TUSC2: variants seen among roughly 807,000 people sequenced by gnomAD.
TUSC2 encodes tumor suppressor candidate 2.
In TUSC2, 7 loss-of-function variants were observed where a neutral mutation model predicts 11.5. The ratio of observed to expected loss-of-function variants is 0.61; its 90% CI spans 0.35 to 1.14. The LOEUF (loss-of-function observed/expected upper bound fraction) is 1.14. Ranked by LOEUF, TUSC2 falls within the 50% of genes most tolerant of loss-of-function variation. The probability of loss-of-function intolerance (pLI) is 0.03; values close to 1 mark genes in which losing one functional copy is unlikely to be tolerated. For synonymous variants in TUSC2, 61 were observed against 64.1 expected, an observed-to-expected ratio of 0.95 and a Z score of 0.23; for missense variants, 132 against 155.0, an observed-to-expected ratio of 0.85 and a Z score of 0.79.
At position 50,328,157 on chromosome 3, in the gene TUSC2, C is replaced by T; in HGVS notation, c.-58G>A. 7.5e-7 allele frequency: 1 copy of T among 1,337,526 alleles called. No homozygotes were observed. Among genetic ancestry groups the T allele is most frequent in the Non-Finnish European group, 9.6e-7 (1 of 1,045,762 alleles). 82.9% of individuals were successfully genotyped at this position (1,337,526 alleles called of 1,614,324 possible). ...GCCGCTCTGCTCACACCGCAGTCCGCACTACCATAACCTGCCCCAGCCGCT... is the reference window on the plus strand; with the variant it reads ...GCCGCTCTGCTCACACCGCAGTCCGTACTACCATAACCTGCCCCAGCCGCT... On this transcript the variant is annotated 5_prime_UTR_variant, in exon 1 of 3. Transcript: ENST00000232496.
rs1206804786 is a variant in TUSC2, at chr3:50,325,503, C to T, written c.*618G>A. On this transcript the variant is annotated 3_prime_UTR_variant, in exon 3 of 3. Transcript: ENST00000232496. The surrounding 1 kb of genome is among the most constrained non-coding windows in gnomAD (Gnocchi z 5.1). ...CCCTGGGTAGAGGGAGAAGCCCCCA[C>T]CCAGTCCCCACTCCTATCAATAGCC... The T allele has an allele frequency of 6.5e-6, 1 of 153,338 alleles. No individual in the cohort carries two copies. The highest frequency in any genetic ancestry group is 1.5e-5 in the Non-Finnish European group (1 of 68,558). 9.5% of individuals were successfully genotyped at this position (153,338 alleles called of 1,614,324 possible). A position where few individuals can be genotyped will look rare whatever the true frequency, so the allele number is the denominator to read the frequency against.
intron 2 of TUSC2, 51 bp downstream of exon 2, chr3:50,326,306 C>T (rs1553717385): frequency 6.2e-7 from 1 of 1,613,348 alleles, no homozygotes; most frequent in Admixed American, 1.7e-5. Context: ...CCATCTGGGT[C>T]CACCTCCACA....
rs752582642 is a variant in TUSC2, at chr3:50,326,039, TC to T, written c.*81del. The T allele has an allele frequency of 1.3e-6, 2 of 1,510,278 alleles. No individual in the cohort carries two copies. The highest frequency in any genetic ancestry group is 1.8e-6 in the Non-Finnish European group (2 of 1,110,518). 93.6% of individuals were successfully genotyped at this position (1,510,278 alleles called of 1,614,324 possible). A position where few individuals can be genotyped will look rare whatever the true frequency, so the allele number is the denominator to read the frequency against. ...TCAGGGTTGTGGCCCCAGCCTGGGC[TC>T]CTCAATGGAAGCCACACCTTGATTG... On this transcript the variant is annotated 3_prime_UTR_variant, in exon 3 of 3. Coordinates refer to ENST00000232496, the MANE Select transcript of TUSC2 (RefSeq NM_007275.3).
chr3:50,327,681 G>A (rs181225361), intron 1 of TUSC2, among the ~76,000 whole-genome samples: 112 of 145,074 alleles, frequency 7.7e-4, no homozygotes, highest in African/African-American at 3.0e-3. Context: ...ATCTTATGGA[G>A]GTCTTATGGA....
chr3:50,326,210 A>C (rs782268228), intron 2 of TUSC2, 24 bp from the exon 3 acceptor site: 1 of 1,605,924 alleles, frequency 6.2e-7, no homozygotes, highest in Non-Finnish European at 8.5e-7. Flanking sequence ...AGAGGCTAGT[A>C]AGGGTCAGCT....
rs1553717401 is a variant in TUSC2, at chr3:50,326,360, A to G, written c.264T>C (p.Pro88=). Residue 88 remains proline (P), a synonymous_variant, in exon 2 of 3, where the codon CCT becomes CCC. Transcript: ENST00000232496. ...TGACCGCTGCCCAGCCCCTCACCTGAGGAATCAGATTCTTATGCACTCGCC... is the reference window on the plus strand; with the variant it reads ...TGACCGCTGCCCAGCCCCTCACCTGGGGAATCAGATTCTTATGCACTCGCC... The part of the protein sequence containing the change: ...KLRRVHKNLI[P]QGIVKLDHPR... 1 of 1,613,484 alleles carries G rather than the reference A, an allele frequency of 6.2e-7. No individual in the cohort carries two copies. The highest frequency in any genetic ancestry group is 1.7e-5 in the Admixed American group (1 of 59,938).
rs1391119175 is a variant in TUSC2, at chr3:50,326,444, A to C, written c.180T>G (p.Ala60=). Residue 60 remains alanine, a synonymous_variant, in exon 2 of 3, where the codon GCT becomes GCG. Transcript: ENST00000232496. ...SMFYDEDGDL[A]HEFYEETIVT... is the part of the protein sequence containing the mutation. Reference sequence around the variant, plus strand: ...CGATTGTCTCCTCATAGAACTCGTGAGCCAGATCCCCATCCTCATCATAGA... The same window carrying C: ...CGATTGTCTCCTCATAGAACTCGTGCGCCAGATCCCCATCCTCATCATAGA... 4 of 1,613,800 alleles carry C rather than the reference A, an allele frequency of 2.5e-6. No individual in the cohort carries two copies. The East Asian group carries it at 6.7e-5, about 27-fold the overall frequency.
intron 2 of TUSC2, 72 bp downstream of exon 2, chr3:50,326,285 G>A (rs1387709531): frequency 1.9e-6 from 3 of 1,612,324 alleles, no homozygotes; most frequent in Non-Finnish European, 2.5e-6. Flanking sequence ...CCCCCACCAT[G>A]ACAACAGATC....
rs1364114600 is a variant in TUSC2 at position 50,326,391 on chromosome 3, T to C, written c.233A>G (p.Lys78Arg). Reference sequence around the variant, plus strand: ...CAGATTCTTATGCACTCGCCTCAGCTTGGCCCGCTTCTGCCCGTTCTTGGT... The same window carrying C: ...CAGATTCTTATGCACTCGCCTCAGCCTGGCCCGCTTCTGCCCGTTCTTGGT... ...IVTKNGQKRAKLRRVHKNLIP... is the reference protein window; with the variant it reads ...IVTKNGQKRARLRRVHKNLIP... The change falls in exon 2 of 3, where the codon AAG (lysine) becomes AGG (arginine). Residue 78 changes from lysine to arginine, a missense_variant. Around this residue, in one of 3 missense-constraint regions of TUSC2, gnomAD observed 65 missense variants for 94.0 expected, o/e 0.69. Coordinates refer to ENST00000232496, the MANE Select transcript of TUSC2 (RefSeq NM_007275.3). 1 of 1,613,782 alleles carries C rather than the reference T, an allele frequency of 6.2e-7. No individual in the cohort carries two copies. The highest frequency in any genetic ancestry group is 8.5e-7 in the Non-Finnish European group (1 of 1,180,002).
rs1340487177 is a variant in TUSC2 at position 50,327,968 on chromosome 3, T to C, written c.132A>G (p.Val44=). 5.8e-6 allele frequency: 9 copies of C among 1,540,038 alleles called. No individual in the cohort carries two copies. The part of the protein sequence containing the change: ...RPRGRAVPPF[V]FTRRGSMFYD... ...CATGCCCTTACCCGCGGCGCGTGAATACGAAGGGGGGCACAGCTCGGCCCC... is the reference window on the plus strand; with the variant it reads ...CATGCCCTTACCCGCGGCGCGTGAACACGAAGGGGGGCACAGCTCGGCCCC... Residue 44 remains valine, a synonymous_variant, in exon 1 of 3, where the codon GTA becomes GTG. Transcript: ENST00000232496.
chr3:50,327,067 A>G (rs1702800851), intron 1 of TUSC2: 1 of 438,558 alleles, frequency 2.3e-6, no homozygotes, highest in Non-Finnish European at 4.6e-6. Flanking sequence ...GCCAGTTCTC[A>G]TCCTTGATTT....
At position 50,328,015 on chromosome 3, in the gene TUSC2, C is replaced by T; in HGVS notation, c.85G>A (p.Glu29Lys). The T allele has an allele frequency of 6.5e-7, 1 of 1,528,460 alleles. No individual in the cohort carries two copies. The highest frequency in any genetic ancestry group is 8.8e-7 in the Non-Finnish European group (1 of 1,139,988). The allele number at this position is 1,528,460 out of a possible 1,614,324, so 94.7% of individuals were successfully genotyped here. The change falls in exon 1 of 3, where the codon GAG becomes AAG. Residue 29 changes from glutamate to lysine, a missense_variant. Coordinates refer to ENST00000232496, the MANE Select transcript of TUSC2 (RefSeq NM_007275.3). ...CCCCGAGGCCGCACCAAAGCTTGCT[C>T]AGCTCCTGCTGCCTCTGAGCCGCCG... The part of the protein sequence containing the change: ...GGGGSEAAGA[E>K]QALVRPRGRA...
Position 50,328,165 on chromosome 3 carries a change from T to A in TUSC2, c.-66A>T, listed in dbSNP as rs1407521204. The stretch of plus-strand genomic sequence containing the variant: ...GCTCACACCGCAGTCCGCACTACCA[T>A]AACCTGCCCCAGCCGCTGATCGCAG... On this transcript the variant is annotated 5_prime_UTR_variant, in exon 1 of 3. It removes an upstream start codon present in the reference 5' UTR. Coordinates refer to ENST00000232496, the MANE Select transcript of TUSC2 (RefSeq NM_007275.3). 2 of 1,298,146 alleles carry A rather than the reference T, an allele frequency of 1.5e-6. No homozygotes were observed. Among genetic ancestry groups the A allele is most frequent in the East Asian group, 3.1e-5 (1 of 31,810 alleles). The allele number at this position is 1,298,146 out of a possible 1,614,324, so 80.4% of individuals were successfully genotyped here. A position where few individuals can be genotyped will look rare whatever the true frequency, so the allele number is the denominator to read the frequency against.
At position 50,327,941 on chromosome 3, in the gene TUSC2, C is replaced by A. The variant is rs1447594816; in HGVS notation, c.146+13G>T. 3.3e-6 allele frequency: 5 copies of A among 1,518,674 alleles called. No homozygotes were observed. Among genetic ancestry groups the A allele is most frequent in the African/African-American group, 1.4e-5 (1 of 69,484 alleles). The allele number at this position is 1,518,674 out of a possible 1,614,324, so 94.1% of individuals were successfully genotyped here. A position where few individuals can be genotyped will look rare whatever the true frequency, so the allele number is the denominator to read the frequency against. On this transcript the variant is annotated intron_variant, in intron 1 of 2. Transcript: ENST00000232496. ...GCCTGTTCCCCCCGCCAGGGTGGAACCCATGCCCTTACCCGCGGCGCGTGA... is the reference window on the plus strand; with the variant it reads ...GCCTGTTCCCCCCGCCAGGGTGGAAACCATGCCCTTACCCGCGGCGCGTGA...
intron 1 of TUSC2, chr3:50,327,243 G>C: frequency 2.2e-6 from 1 of 456,720 alleles, no homozygotes; most frequent in Non-Finnish European, 4.4e-6. Context: ...AAGCACAAAG[G>C]AATGAAGGCT....
intron 2 of TUSC2, 55 bp downstream of exon 2, chr3:50,326,302 G>A (rs1702787086): frequency 6.2e-7 from 1 of 1,613,022 alleles, no homozygotes; most frequent in South Asian, 1.1e-5. Flanking sequence ...GATCCCATCT[G>A]GGTCCACCTC....
chr3:50,328,035 C>T lies in TUSC2; in HGVS notation c.65G>A (p.Gly22Asp). The change falls in exon 1 of 3, where the codon GGC (glycine) becomes GAC (aspartate). Residue 22 changes from glycine to aspartate, a missense_variant. Coordinates refer to ENST00000232496, the MANE Select transcript of TUSC2 (RefSeq NM_007275.3). ...WPFASAAGGGGSEAAGAEQAL... is the reference protein window; with the variant it reads ...WPFASAAGGGDSEAAGAEQAL... Reference sequence around the variant, plus strand: ...TTGCTCAGCTCCTGCTGCCTCTGAGCCGCCGCCTCCGGCCGCCGAGGCGAA... The same window carrying T: ...TTGCTCAGCTCCTGCTGCCTCTGAGTCGCCGCCTCCGGCCGCCGAGGCGAA... 6.7e-7 allele frequency: 1 copy of T among 1,500,858 alleles called. No homozygotes were observed. 93.0% of individuals were successfully genotyped at this position (1,500,858 alleles called of 1,614,324 possible).
Position 50,328,142 on chromosome 3 carries a change from T to C in TUSC2, c.-43A>G. ...ATGGCGGGCCCCGTGGCCGCTCTGC[T>C]CACACCGCAGTCCGCACTACCATAA... is the stretch of plus-strand genomic sequence containing the variant. On this transcript the variant is annotated 5_prime_UTR_variant, in exon 1 of 3. The change abolishes the stop of an existing upstream ORF in the 5' untranslated region. Coordinates refer to ENST00000232496, the MANE Select transcript of TUSC2 (RefSeq NM_007275.3). 1.2e-5 allele frequency: 16 copies of C among 1,351,388 alleles called. No individual in the cohort carries two copies. The highest frequency in any genetic ancestry group is 1.5e-5 in the Non-Finnish European group (16 of 1,053,698). 83.7% of individuals were successfully genotyped at this position (1,351,388 alleles called of 1,614,324 possible). A position where few individuals can be genotyped will look rare whatever the true frequency, so the allele number is the denominator to read the frequency against.
At position 50,325,365 on chromosome 3, in the gene TUSC2, T is replaced by C. The variant is rs1214795336; in HGVS notation, c.*756A>G. 6.6e-6 allele frequency: 1 copy of C among 151,364 alleles called. No homozygotes were observed. The highest frequency in any genetic ancestry group is 2.4e-5 in the African/African-American group (1 of 41,008). 9.4% of individuals were successfully genotyped at this position (151,364 alleles called of 1,614,324 possible). On this transcript the variant is annotated 3_prime_UTR_variant, in exon 3 of 3. Coordinates refer to ENST00000232496, the MANE Select transcript of TUSC2 (RefSeq NM_007275.3). This position sits in a 1 kb window ranked among gnomAD's most constrained non-coding sequence, Gnocchi z 5.1. Reference sequence around the variant, plus strand: ...ATAGGTGGGTTGGAGTAACTCCCCATAGGCACAAGCATCCGCAGCCTGTCC... The same window carrying C: ...ATAGGTGGGTTGGAGTAACTCCCCACAGGCACAAGCATCCGCAGCCTGTCC...
Sources: gnomAD v4.1 joint callset for allele counts (sites outside exome capture counted in the v4.1 genomes callset) on GRCh38, gnomAD v4.1.1 for gene constraint, gnomAD v4.1.1 regional missense constraint, Gnocchi (gnomAD v3.1) non-coding constraint, MANE v1.5 for transcripts, NCBI Gene and HGNC (gene_info 2026-07-23, HGNC 2026-07-21) for gene names.